MLLT3: variants seen among roughly 807,000 people sequenced by gnomAD.
MLLT3 encodes protein AF-9.
Under a neutral mutation model 53.2 loss-of-function variants are expected in MLLT3, and 4 were observed. The ratio of observed to expected loss-of-function variants is 0.08; its 90% CI spans 0.04 to 0.17. The LOEUF is 0.17. MLLT3 is among the 10% of genes least tolerant of loss of function. MLLT3 has a pLI of 1.00. For synonymous variants in MLLT3, 283 were observed against 230.6 expected (o/e 1.23, Z -2.06); for missense variants, 569 against 684.0 (o/e 0.83, Z 1.87).
At chr9:20,563,342 C>T (rs1288237219) in intron 2 of MLLT3, among the ~76,000 whole-genome samples, 1 of 151,860 alleles carries the variant, frequency 6.6e-6, no homozygotes, top group Non-Finnish European at 1.5e-5. Context: ...CTAAGAATAC[C>T]TTTTATTCAC....
At chr9:20,536,548 G>T (rs371031765) in intron 2 of MLLT3, among the ~76,000 whole-genome samples, 2 of 152,188 alleles carry the variant, frequency 1.3e-5, no homozygotes, top group South Asian at 4.2e-4. Flanking sequence ...CTGTTCTCTC[G>T]GAATCAGTCT....
chr9:20,513,791 C>A (rs1444385807), intron 2 of MLLT3, among the ~76,000 whole-genome samples: 1 of 152,128 alleles, frequency 6.6e-6, no homozygotes, highest in South Asian at 2.1e-4. Context: ...ATGACTGAGC[C>A]CTGCTTCTGT....
In MLLT3 at chr9:20,621,045, C is replaced by T. The variant is rs1260143120; in HGVS notation, c.13-211G>A. 1.4e-6 allele frequency: 1 copy of T among 694,044 alleles called. No individual in the cohort carries two copies. The highest frequency in any genetic ancestry group is 1.5e-5 in the South Asian group (1 of 66,072). The allele number at this position is 694,044 out of a possible 1,614,324, so 43.0% of individuals were successfully genotyped here. ...CCCGGCCCGGCTTGGCCCCAGGCGCCCCGGGCCCCGCATCTACATCGGACA... is the reference window on the plus strand; with the variant it reads ...CCCGGCCCGGCTTGGCCCCAGGCGCTCCGGGCCCCGCATCTACATCGGACA... On this transcript the variant is annotated intron_variant, in intron 1 of 10. Transcript: ENST00000380338. This position sits in a 1 kb window ranked among gnomAD's most constrained non-coding sequence, Gnocchi z 7.0.
At chr9:20,553,704 A>C (rs901128427) in intron 2 of MLLT3, among the ~76,000 whole-genome samples, 1 of 152,144 alleles carries the variant, frequency 6.6e-6, no homozygotes, top group Non-Finnish European at 1.5e-5. Context: ...AAATTACTTG[A>C]CCTTTTAGAC....
chr9:20,379,211 G>C (rs942702233), intron 5 of MLLT3, among the ~76,000 whole-genome samples: 2 of 152,054 alleles, frequency 1.3e-5, no homozygotes, highest in Non-Finnish European at 2.9e-5. Context: ...CCCTTGAAAT[G>C]AATGACACCT....
intron 2 of MLLT3, among the ~76,000 whole-genome samples, chr9:20,537,405 T>C (rs925219839): frequency 2.6e-5 from 4 of 152,368 alleles, no homozygotes; most frequent in Admixed American, 2.6e-4. Flanking sequence ...ATATTTTAGA[T>C]AGGCTTTCTT....
intron 5 of MLLT3, among the ~76,000 whole-genome samples, chr9:20,374,245 TTGG>T (rs753331724): frequency 6.6e-6 from 1 of 152,110 alleles, no homozygotes; most frequent in Non-Finnish European, 1.5e-5. Context: ...TTAGCCAGGC[TTGG>T]TGAAGTGTCC....
chr9:20,412,054 C>T (rs986470401), intron 5 of MLLT3: 1 of 152,118 alleles, frequency 6.6e-6, no homozygotes, highest in Admixed American at 6.5e-5. Flanking sequence ...ATTTATTTCA[C>T]AGCTCACTAG....
rs1488059755 is a variant in MLLT3 at position 20,511,590 on chromosome 9, G to A, written c.194-54804C>T. 3.9e-5 allele frequency among the ~76,000 whole-genome samples: 6 copies of A among 152,196 alleles called. 1 individual carries two copies. The East Asian group carries it at 1.2e-3, about 29-fold the overall frequency. On this transcript the variant is annotated intron_variant, in intron 2 of 10. Coordinates refer to ENST00000380338, the MANE Select transcript of MLLT3 (RefSeq NM_004529.4). The stretch of plus-strand genomic sequence containing the variant: ...TCACATACATTGGGAGGCTGAGGCA[G>A]GAGGACAGCTAGAGCCCAGGATTTC...
intron 2 of MLLT3, among the ~76,000 whole-genome samples, chr9:20,591,199 G>GT (rs1454714278): frequency 6.6e-6 from 1 of 152,060 alleles, no homozygotes; most frequent in Non-Finnish European, 1.5e-5. Flanking sequence ...TATTTAGTAT[G>GT]TTTTTTTCTA....
intron 4 of MLLT3, among the ~76,000 whole-genome samples, chr9:20,443,107 A>C (rs943520078): frequency 6.6e-6 from 1 of 152,032 alleles, no homozygotes; most frequent in African/African-American, 2.4e-5. Flanking sequence ...GGAAGGAAGG[A>C]AGGAGGGAGG....
intron 2 of MLLT3, among the ~76,000 whole-genome samples, chr9:20,529,279 A>G (rs1537072): frequency 0.71 from 108,580 of 152,108 alleles, 39,144 homozygotes; most frequent in East Asian, 0.86. Context: ...ATTATACAGT[A>G]AACTGTTTTT....
At chr9:20,600,468 CCATGA>C (rs1239020348) in intron 2 of MLLT3, among the ~76,000 whole-genome samples, 3 of 152,178 alleles carry the variant, frequency 2.0e-5, no homozygotes, top group Non-Finnish European at 4.4e-5. Context: ...CATTCTCAAC[CCATGA>C]AAATATTCTG....
rs1187344068 is a variant in MLLT3 at position 20,574,716 on chromosome 9, T to C, written c.193+45938A>G. Among the ~76,000 whole-genome samples, 3 of 152,038 alleles carry C rather than the reference T, an allele frequency of 2.0e-5. No homozygotes were observed. The East Asian group carries it at 5.8e-4, about 29-fold the overall frequency. ...GCTGCTGACTAATCAGGGTGGTGGG[T>C]GATGAAGGTTAAGGTGGCTGTGGCA... On this transcript the variant is annotated intron_variant, in intron 2 of 10. Coordinates refer to ENST00000380338, the MANE Select transcript of MLLT3 (RefSeq NM_004529.4).
intron 8 of MLLT3, among the ~76,000 whole-genome samples, chr9:20,357,057 T>C (rs1821187990): frequency 6.6e-6 from 1 of 152,252 alleles, no homozygotes; most frequent in African/African-American, 2.4e-5. Context: ...GATCATTTCT[T>C]ATCTTTAGGG....
chr9:20,542,016 ATTTAC>A (rs1818647511), intron 2 of MLLT3, among the ~76,000 whole-genome samples: 2 of 152,102 alleles, frequency 1.3e-5, no homozygotes, highest in African/African-American at 4.8e-5. Flanking sequence ...GAGGTTTTCA[ATTTAC>A]TTTACCCAGT....
chr9:20,451,280 G>C (rs1823832312), intron 3 of MLLT3, among the ~76,000 whole-genome samples: 1 of 152,050 alleles, frequency 6.6e-6, no homozygotes, highest in African/African-American at 2.4e-5. Flanking sequence ...GTAGTCAAAA[G>C]ACTAAAACTC....
chr9:20,456,864 C>T, intron 2 of MLLT3, 78 bp from the exon 3 acceptor site: 1 of 1,088,614 alleles, frequency 9.2e-7, no homozygotes, highest in Non-Finnish European at 1.3e-6. Context: ...AAAAAAATCC[C>T]ATTCTACCAT....
chr9:20,499,930 T>C (rs924736219), intron 2 of MLLT3, among the ~76,000 whole-genome samples: 1 of 152,198 alleles, frequency 6.6e-6, no homozygotes, highest in Non-Finnish European at 1.5e-5. Flanking sequence ...CAGGTGTTAA[T>C]GCAGTGACAA....
Sources: allele counts gnomAD v4.1 joint callset (sites outside exome capture counted in the v4.1 genomes callset), GRCh38; gene constraint gnomAD v4.1.1; non-coding constraint Gnocchi (gnomAD v3.1); transcripts MANE v1.5; gene names NCBI Gene and HGNC (gene_info 2026-07-23, HGNC 2026-07-21).